Variants in MKLN1 observed in about 807,000 individuals in gnomAD.
The protein encoded by MKLN1 is muskelin 1, also known as muskelin.
Under a neutral mutation model 99.0 loss-of-function variants are expected in MKLN1, and 18 were observed. The observed-to-expected ratio is 0.18, with a 90% CI of 0.13 to 0.27. The LOEUF (loss-of-function observed/expected upper bound fraction) is 0.27. MKLN1 is among the 10% of genes least tolerant of loss of function. The pLI, the probability that MKLN1 is intolerant of heterozygous loss-of-function variation, is 1.00. For missense variants in MKLN1, 621 were observed against 875.9 expected (o/e 0.71, Z 3.67); for synonymous variants, 288 against 293.2 (o/e 0.98, Z 0.18).
chr7:131,308,171 A>G (rs1419088716), intron 3 of MKLN1, among the ~76,000 whole-genome samples: 1 of 151,784 alleles, frequency 6.6e-6, no homozygotes, highest in Non-Finnish European at 1.5e-5. Flanking sequence ...GCCTTCTATC[A>G]TGATTGTAAG....
At chr7:131,376,117 TATATATATATATATATATGTATG>T (rs1229868370) in intron 2 of MKLN1, among the ~76,000 whole-genome samples, 2 of 198 alleles carry the variant, frequency 0.01, no homozygotes, top group African/African-American at 0.053. Flanking sequence ...TATATATATA[TATATATATATATATATATGTATG>T]ATGTATGTAT....
chr7:131,178,632 GAATTTGCTCAT>G (rs1369605485), intron 2 of MKLN1, among the ~76,000 whole-genome samples: 1 of 152,076 alleles, frequency 6.6e-6, no homozygotes, highest in Non-Finnish European at 1.5e-5. Context: ...TTCTGGCCTT[GAATTTGCTCAT>G]ATTGGCACTC....
chr7:131,392,583 T>TAAC (rs1794226701), intron 4 of MKLN1, among the ~76,000 whole-genome samples: 1 of 152,026 alleles, frequency 6.6e-6, no homozygotes, highest in African/African-American at 2.4e-5. Context: ...TCTTGAATTT[T>TAAC]TAGGATCTCT....
At chr7:131,222,968 G>A (rs116694914) in intron 3 of MKLN1, among the ~76,000 whole-genome samples, 2,006 of 152,132 alleles carry the variant, frequency 0.013, 38 homozygotes, top group African/African-American at 0.046. Flanking sequence ...TTTGAACCCC[G>A]GAGGTGGAGG....
intron 1 of MKLN1, among the ~76,000 whole-genome samples, chr7:131,137,490 T>C (rs1012161705): frequency 2.0e-5 from 3 of 151,994 alleles, no homozygotes; most frequent in African/African-American, 7.3e-5. Flanking sequence ...AACATCAGAG[T>C]TGGGTAGTAG....
chr7:131,457,250 C>T (rs1289054779), intron 12 of MKLN1, among the ~76,000 whole-genome samples: 1 of 150,962 alleles, frequency 6.6e-6, no homozygotes, highest in Admixed American at 6.6e-5. Context: ...GCACTCCAGC[C>T]TGGGCAACAA....
intron 3 of MKLN1, among the ~76,000 whole-genome samples, chr7:131,229,649 G>A (rs1797212230): frequency 6.6e-6 from 1 of 152,092 alleles, no homozygotes; most frequent in Non-Finnish European, 1.5e-5. Context: ...TCAACCTCCT[G>A]GGCTCAGGTG....
intron 1 of MKLN1, among the ~76,000 whole-genome samples, chr7:131,119,174 C>G (rs1265559999): frequency 2.0e-5 from 3 of 152,170 alleles, no homozygotes; most frequent in African/African-American, 7.2e-5. Flanking sequence ...ACTGCCATTC[C>G]AAAATGGAGA....
intron 8 of MKLN1, among the ~76,000 whole-genome samples, chr7:131,418,205 C>CAAAAA: frequency 6.6e-6 from 1 of 151,686 alleles, no homozygotes; most frequent in Admixed American, 6.6e-5. Context: ...CCCATCTCTA[C>CAAAAA]TAAAAATACA....
chr7:131,142,882 T>C, exon 2 of MKLN1: 1 of 1,302,440 alleles, frequency 7.7e-7, no homozygotes, highest in Middle Eastern at 2.1e-4. Flanking sequence ...TCCTCCTGAC[T>C]CCATAAACTA....
intron 3 of MKLN1, among the ~76,000 whole-genome samples, chr7:131,257,550 C>T (rs370502436): frequency 2.6e-5 from 4 of 152,138 alleles, no homozygotes; most frequent in Admixed American, 2.6e-4. Context: ...TTGCCCTAGT[C>T]CCCCAAACCT....
intron 3 of MKLN1, among the ~76,000 whole-genome samples, chr7:131,320,948 G>A (rs529200331): frequency 6.6e-6 from 1 of 152,346 alleles, no homozygotes; most frequent in Admixed American, 6.5e-5. Context: ...TGGCAATGCT[G>A]TGGAGAAACA....
chr7:131,457,643 C>T lies in MKLN1; in HGVS notation c.1526-5574C>T, dbSNP rs7796002. On this transcript the variant is annotated intron_variant, in intron 12 of 17. Coordinates refer to ENST00000352689, the MANE Select transcript of MKLN1 (RefSeq NM_013255.5). ...AAAAATAAAAATTTAAGCCCGGGCA[C>T]GGGGGCTCACACCTGTAATCCCAGC... Among the ~76,000 whole-genome samples the T allele has an allele frequency of 2.1e-3, 319 of 152,148 alleles. 2 individuals carry two copies. The highest frequency in any genetic ancestry group is 0.017 in the Middle Eastern group (5 of 294).
rs189757832 is a variant in MKLN1 at position 131,306,065 on chromosome 7, A to G, written c.-178-69359A>G. Among the ~76,000 whole-genome samples the G allele has an allele frequency of 2.6e-4, 39 of 152,214 alleles. No homozygotes were observed. In the East Asian group the frequency reaches 6.8e-3, roughly 26 times the overall value. The stretch of plus-strand genomic sequence containing the variant: ...AGTTCTCAGGAGAGCTGATGGTTTA[A>G]AAGTGTGGCACATCCCCCCTTGCTC... On this transcript the variant is annotated intron_variant, in intron 3 of 7. Coordinates refer to the MKLN1 transcript ENST00000416992.
intron 1 of MKLN1, among the ~76,000 whole-genome samples, chr7:131,134,927 G>C (rs550878451): frequency 3.4e-4 from 51 of 152,180 alleles, no homozygotes; most frequent in African/African-American, 1.1e-3. Context: ...AAGGTTCCTC[G>C]CAATATAACC....
chr7:131,192,225 TATACAATATATA>T (rs1796569107), intron 2 of MKLN1, among the ~76,000 whole-genome samples: 1 of 91,592 alleles, frequency 1.1e-5, no homozygotes, highest in South Asian at 3.4e-4. Flanking sequence ...ATATAAAATA[TATACAATATATA>T]AATATATAAA....
chr7:131,469,213 G>A (rs1370930407), intron 15 of MKLN1, among the ~76,000 whole-genome samples: 1 of 152,128 alleles, frequency 6.6e-6, no homozygotes, highest in Non-Finnish European at 1.5e-5. Flanking sequence ...TGGATGGATG[G>A]ATGGATGGAT....
intron 3 of MKLN1, among the ~76,000 whole-genome samples, chr7:131,236,955 C>T (rs1281214098): frequency 6.6e-6 from 1 of 152,136 alleles, no homozygotes; most frequent in African/African-American, 2.4e-5. Flanking sequence ...CACCATTGCA[C>T]TCTAGCCCGG....
At chr7:131,276,595 A>G (rs1797979376) in intron 3 of MKLN1, among the ~76,000 whole-genome samples, 1 of 152,180 alleles carries the variant, frequency 6.6e-6, no homozygotes, top group African/African-American at 2.4e-5. Context: ...CACGACAACC[A>G]GTGATGTTTC....
Sources: allele counts gnomAD v4.1 joint callset (sites outside exome capture counted in the v4.1 genomes callset), GRCh38; gene constraint gnomAD v4.1.1; transcripts MANE v1.5; gene names NCBI Gene and HGNC (gene_info 2026-07-23, HGNC 2026-07-21).